The following TAS2R1 variants were observed in gnomAD, a reference collection of about 807,000 sequenced individuals.
TAS2R1 encodes taste 2 receptor member 1, also known as taste receptor type 2 member 1.
For synonymous variants in TAS2R1, 141 were observed against 134.2 expected (o/e 1.05, Z -0.35); for missense variants, 370 against 353.4 (o/e 1.05, Z -0.38).
chr5:9,811,957 A>C, the TAS2R1 span, among the ~76,000 whole-genome samples: 4 of 152,016 alleles, frequency 2.6e-5, no homozygotes, highest in East Asian at 1.9e-4. Flanking sequence ...GGGGCTGTGC[A>C]CATGATATTC....
the TAS2R1 span, among the ~76,000 whole-genome samples, chr5:9,736,473 C>T: frequency 6.6e-6 from 1 of 152,196 alleles, no homozygotes; most frequent in Non-Finnish European, 1.5e-5. Flanking sequence ...CATCCCAGCT[C>T]CCTCACCCTT....
the TAS2R1 span, among the ~76,000 whole-genome samples, chr5:9,840,379 T>A: frequency 2.0e-5 from 3 of 152,208 alleles, no homozygotes; most frequent in African/African-American, 4.8e-5. Flanking sequence ...ATTCATCTTG[T>A]TTTTTATCCT....
the TAS2R1 span, among the ~76,000 whole-genome samples, chr5:9,777,962 G>C: frequency 8.7e-5 from 13 of 150,146 alleles, no homozygotes; most frequent in Non-Finnish European, 1.8e-4. Flanking sequence ...CTCACTGCAA[G>C]CTCCGCTTCC....
chr5:9,825,497 G>A, the TAS2R1 span, among the ~76,000 whole-genome samples: 1 of 152,212 alleles, frequency 6.6e-6, no homozygotes, highest in East Asian at 1.9e-4. Context: ...AATTCAAGAT[G>A]AGATTTGGGT....
intron 2 of TAS2R1, among the ~76,000 whole-genome samples, chr5:9,644,185 T>G (rs1348501617): frequency 6.6e-6 from 1 of 152,138 alleles, no homozygotes; most frequent in Non-Finnish European, 1.5e-5. Context: ...TCCTACAACA[T>G]TTACTCTGAC....
chr5:9,784,094 C>T, the TAS2R1 span, among the ~76,000 whole-genome samples: 2 of 152,208 alleles, frequency 1.3e-5, no homozygotes, highest in Non-Finnish European at 2.9e-5. Context: ...TTAAAGAACA[C>T]AGGATGGTAC....
chr5:9,725,688 G>A, the TAS2R1 span, among the ~76,000 whole-genome samples: 4 of 151,922 alleles, frequency 2.6e-5, no homozygotes, highest in Non-Finnish European at 4.4e-5. Context: ...CAGCCCCACC[G>A]ACCACCCAAG....
the TAS2R1 span, among the ~76,000 whole-genome samples, chr5:9,809,018 C>T: frequency 6.6e-6 from 1 of 152,144 alleles, no homozygotes; most frequent in African/African-American, 2.4e-5. Flanking sequence ...CCTTATGACC[C>T]ATCACTCCTT....
chr5:9,630,023 A>G lies in TAS2R1; in HGVS notation c.10T>C (p.Ser4Pro). 1.3e-6 allele frequency: 2 copies of G among 1,556,680 alleles called. No individual in the cohort carries two copies. The highest frequency in any genetic ancestry group is 1.2e-5 in the South Asian group (1 of 82,212). ...AGAAGAAAATAGATAATGAGGTGAG[A>G]CTCTAGCATTTTAGGAATAAAAAAT... MLE[S>P]HLIIYFLLAV... The change falls in exon 1 of 1, where the codon TCT becomes CCT. Residue 4 changes from serine to proline, a missense_variant. Transcript: ENST00000382492.
chr5:9,839,791 T>C, the TAS2R1 span, among the ~76,000 whole-genome samples: 1 of 152,174 alleles, frequency 6.6e-6, no homozygotes, highest in Non-Finnish European at 1.5e-5. Context: ...AGGTAGTCCA[T>C]TACAGGTAAT....
chr5:9,648,330 T>C (rs1317937018), intron 2 of TAS2R1, among the ~76,000 whole-genome samples: 1 of 152,120 alleles, frequency 6.6e-6, no homozygotes, highest in African/African-American at 2.4e-5. Context: ...AACTTAAAAC[T>C]AAGAAATCTG....
At chr5:9,756,445 A>G in the TAS2R1 span, among the ~76,000 whole-genome samples, 2 of 152,222 alleles carry the variant, frequency 1.3e-5, no homozygotes, top group African/African-American at 2.4e-5. Context: ...TCTTATAAGA[A>G]ATATACTTTC....
At chr5:9,759,212 G>T in the TAS2R1 span, among the ~76,000 whole-genome samples, 1 of 152,168 alleles carries the variant, frequency 6.6e-6, no homozygotes, top group Non-Finnish European at 1.5e-5. Flanking sequence ...TAAATTGGTT[G>T]AATGATCAAA....
At chr5:9,695,192 T>C (rs1054526059) in intron 1 of TAS2R1, among the ~76,000 whole-genome samples, 2 of 152,254 alleles carry the variant, frequency 1.3e-5, no homozygotes, top group African/African-American at 4.8e-5. Context: ...CTGCTATCAT[T>C]GCTGTTCTGA....
At chr5:9,844,267 C>T in the TAS2R1 span, among the ~76,000 whole-genome samples, 1 of 152,126 alleles carries the variant, frequency 6.6e-6, no homozygotes, top group African/African-American at 2.4e-5. Flanking sequence ...CATGGCTTCC[C>T]ATTGCTAATA....
the TAS2R1 span, among the ~76,000 whole-genome samples, chr5:9,821,147 C>A: frequency 6.6e-6 from 1 of 152,146 alleles, no homozygotes; most frequent in Non-Finnish European, 1.5e-5. Flanking sequence ...TATAAAAAAA[C>A]AACACAGGGA....
At chr5:9,824,925 T>C in the TAS2R1 span, among the ~76,000 whole-genome samples, 2 of 151,468 alleles carry the variant, frequency 1.3e-5, no homozygotes, top group South Asian at 4.2e-4. Flanking sequence ...CACCTGGAGT[T>C]ATGCAAACAT....
At position 9,637,501 on chromosome 5, in the gene TAS2R1, C is replaced by T. The variant is rs183583758; in HGVS notation, c.-80-7509G>A. On this transcript the variant is annotated intron_variant, in intron 2 of 2. Coordinates refer to the TAS2R1 transcript ENST00000506620. ...CTAGGAATGCCAGGGAAGCTTTGCT[C>T]AATTATTTCCTCAAACAATTTTCCA... Among the ~76,000 whole-genome samples the T allele has an allele frequency of 7.9e-5, 12 of 152,262 alleles. No individual in the cohort carries two copies. The East Asian group carries it at 1.7e-3, about 22-fold the overall frequency.
chr5:9,852,791 G>A, the TAS2R1 span, among the ~76,000 whole-genome samples: 1,630 of 152,060 alleles, frequency 0.011, 30 homozygotes, highest in African/African-American at 0.033. Context: ...CTGATTTTCA[G>A]CTTGGCTTGA....
Sources: gnomAD v4.1 joint callset for allele counts (sites outside exome capture counted in the v4.1 genomes callset) on GRCh38, gnomAD v4.1.1 for gene constraint, MANE v1.5 for transcripts, NCBI Gene and HGNC (gene_info 2026-07-23, HGNC 2026-07-21) for gene names.